The following WWOX variants were observed in gnomAD, a reference collection of about 807,000 sequenced individuals.
WWOX encodes the protein WW domain-containing oxidoreductase.
A neutral mutation model predicts 46.2 loss-of-function variants in WWOX; 69 were observed. The observed-to-expected ratio is 1.49, with a 90% confidence interval of 1.23 to 1.82. The LOEUF (loss-of-function observed/expected upper bound fraction) is 1.82. WWOX is among the 40% of genes most tolerant of loss of function. The pLI is 0.00. For synonymous variants in WWOX, 359 were observed against 202.6 expected (o/e 1.77, Z -6.56); for missense variants, 919 against 542.6 (o/e 1.69, Z -6.89).
intron 8 of WWOX, among the ~76,000 whole-genome samples, chr16:79,191,964 G>C (rs868355195): frequency 6.6e-6 from 1 of 152,318 alleles, no homozygotes; most frequent in Middle Eastern, 3.4e-3. Flanking sequence ...GGTGATTTAA[G>C]CTAAAAATGG....
intron 8 of WWOX, among the ~76,000 whole-genome samples, chr16:78,985,810 C>G (rs766434302): frequency 2.0e-5 from 3 of 152,186 alleles, no homozygotes; most frequent in Non-Finnish European, 4.4e-5. Flanking sequence ...TACCTGGATC[C>G]TCACATTGCA....
At chr16:78,928,271 C>G (rs996297641) in intron 8 of WWOX, among the ~76,000 whole-genome samples, 3 of 148,212 alleles carry the variant, frequency 2.0e-5, no homozygotes, top group Non-Finnish European at 3.0e-5. Context: ...GGCGCGATCT[C>G]GGCTCACTGC....
At chr16:78,825,749 C>A (rs770559440) in intron 8 of WWOX, 5 of 586,754 alleles carry the variant, frequency 8.5e-6, no homozygotes, top group Admixed American at 2.2e-5. Flanking sequence ...CCTGATGATC[C>A]CCAGCGGAGA....
chr16:78,987,122 A>C (rs964585535), intron 8 of WWOX, among the ~76,000 whole-genome samples: 3 of 152,196 alleles, frequency 2.0e-5, no homozygotes, highest in Admixed American at 1.3e-4. Context: ...ATAGCAGTAT[A>C]GGACTCCAAT....
intron 8 of WWOX, among the ~76,000 whole-genome samples, chr16:78,613,147 A>C (rs1342371234): frequency 4.6e-5 from 7 of 152,038 alleles, no homozygotes. Flanking sequence ...TCACAATGAC[A>C]AGTGAGGACT....
At chr16:78,974,178 T>C (rs1028864550) in intron 8 of WWOX, among the ~76,000 whole-genome samples, 4 of 152,234 alleles carry the variant, frequency 2.6e-5, no homozygotes, top group Admixed American at 2.6e-4. Flanking sequence ...ATCTCGTTAA[T>C]ACTTTTGGAG....
At chr16:78,907,057 C>G (rs1019798028) in intron 8 of WWOX, among the ~76,000 whole-genome samples, 1 of 151,998 alleles carries the variant, frequency 6.6e-6, no homozygotes, top group African/African-American at 2.4e-5. Context: ...GTTGGTAGAG[C>G]CAGCTAAACG....
chr16:79,064,656 C>T (rs1332249371), intron 8 of WWOX, among the ~76,000 whole-genome samples: 9 of 152,298 alleles, frequency 5.9e-5, no homozygotes, highest in Admixed American at 3.3e-4. Flanking sequence ...CCAACCTCTT[C>T]GTGTTCCTGC....
At chr16:78,620,811 A>G (rs751282885) in intron 8 of WWOX, among the ~76,000 whole-genome samples, 1 of 152,122 alleles carries the variant, frequency 6.6e-6, no homozygotes, top group Non-Finnish European at 1.5e-5. Flanking sequence ...CTATAAAGAC[A>G]TACTTTTGGA....
At chr16:78,163,876 C>G (rs1484769556) in intron 4 of WWOX, among the ~76,000 whole-genome samples, 1 of 152,134 alleles carries the variant, frequency 6.6e-6, no homozygotes, top group Non-Finnish European at 1.5e-5. Flanking sequence ...ATCCCTAGGA[C>G]AAGTTTTCTC....
chr16:78,636,202 A>G lies in WWOX; in HGVS notation c.1056+203450A>G, dbSNP rs190946293. Among the ~76,000 whole-genome samples, 33 of 152,288 alleles carry G rather than the reference A, an allele frequency of 2.2e-4. 1 individual carries two copies. The East Asian group carries it at 6.4e-3, about 29-fold the overall frequency. On this transcript the variant is annotated intron_variant, in intron 8 of 8. Coordinates refer to ENST00000566780, the MANE Select transcript of WWOX (RefSeq NM_016373.4). ...GTTATTATTGATAAGGACTAGACATATTAGAGACCAGGTTAAAGCTTTGAT... is the reference window on the plus strand; with the variant it reads ...GTTATTATTGATAAGGACTAGACATGTTAGAGACCAGGTTAAAGCTTTGAT...
intron 5 of WWOX, among the ~76,000 whole-genome samples, chr16:78,212,302 T>C (rs2036584371): frequency 2.6e-5 from 4 of 152,184 alleles, no homozygotes; most frequent in Admixed American, 2.6e-4. Flanking sequence ...TAGGAATAGA[T>C]GTAACCTCAG....
intron 6 of WWOX, among the ~76,000 whole-genome samples, chr16:78,420,551 A>T (rs772657255): frequency 3.2e-4 from 48 of 152,274 alleles, no homozygotes; most frequent in South Asian, 8.3e-4. Flanking sequence ...CATTTAGTAT[A>T]TAAAATGTCC....
At chr16:78,369,861 A>C (rs913354923) in intron 5 of WWOX, among the ~76,000 whole-genome samples, 1 of 152,064 alleles carries the variant, frequency 6.6e-6, no homozygotes, top group East Asian at 1.9e-4. Context: ...GGGCACGCAC[A>C]ATGGCTCATG....
Position 78,766,182 on chromosome 16 carries a change from G to A in WWOX, c.1056+333430G>A, listed in dbSNP as rs774507780. Among the ~76,000 whole-genome samples the A allele has an allele frequency of 7.2e-5, 11 of 152,220 alleles. No individual in the cohort carries two copies. The East Asian group carries it at 1.5e-3, about 21-fold the overall frequency. On this transcript the variant is annotated intron_variant, in intron 8 of 8. Transcript: ENST00000566780. The stretch of plus-strand genomic sequence containing the variant: ...ATTTGCCAGGGGCAGGACATACTGC[G>A]TGCCTTGGCCTTTTCTGGGCTACTC...
At chr16:78,379,932 G>T (rs1242557987) in intron 5 of WWOX, among the ~76,000 whole-genome samples, 1 of 152,222 alleles carries the variant, frequency 6.6e-6, no homozygotes, top group Non-Finnish European at 1.5e-5. Context: ...CGGAAGGATG[G>T]AGAGGAGAAA....
At chr16:78,639,454 A>G (rs1481121110) in intron 8 of WWOX, among the ~76,000 whole-genome samples, 1 of 152,190 alleles carries the variant, frequency 6.6e-6, no homozygotes, top group Non-Finnish European at 1.5e-5. Context: ...AGAGTGTTTG[A>G]GATCCTGTAG....
intron 8 of WWOX, among the ~76,000 whole-genome samples, chr16:78,626,437 G>T (rs1454806745): frequency 6.6e-6 from 1 of 152,182 alleles, no homozygotes; most frequent in Non-Finnish European, 1.5e-5. Flanking sequence ...GGATGCTCCT[G>T]TGTTGGGATT....
chr16:78,125,476 G>A (rs1033671893), intron 4 of WWOX, among the ~76,000 whole-genome samples: 6 of 152,108 alleles, frequency 3.9e-5, no homozygotes, highest in Admixed American at 6.5e-5. Flanking sequence ...GTGAAGCCTC[G>A]CTCTGTGCCC....
Sources: allele counts gnomAD v4.1 joint callset (sites outside exome capture counted in the v4.1 genomes callset), GRCh38; gene constraint gnomAD v4.1.1; transcripts MANE v1.5; gene names NCBI Gene and HGNC (gene_info 2026-07-23, HGNC 2026-07-21).